Variants in PEX7 observed in about 807,000 individuals in gnomAD.
The protein encoded by PEX7 is PTS2 receptor.
In PEX7, 34 loss-of-function variants were observed where a neutral mutation model predicts 47.5. That is an observed-to-expected ratio of 0.72 (90% CI 0.54 to 0.95). The LOEUF (loss-of-function observed/expected upper bound fraction) is 0.95, where lower values mean the gene tolerates loss of function less well. Ranked by LOEUF, PEX7 falls within the 40% of genes least tolerant of loss-of-function variation. The pLI is 0.00. For missense variants in PEX7, 394 were observed against 400.3 expected, an observed-to-expected ratio of 0.98 and a Z score of 0.13; for synonymous variants, 141 against 148.8, an observed-to-expected ratio of 0.95 and a Z score of 0.38.
intron 3 of PEX7, among the ~76,000 whole-genome samples, chr6:136,833,095 T>G (rs886590869): frequency 6.6e-6 from 1 of 152,180 alleles, no homozygotes; most frequent in Admixed American, 6.6e-5. Flanking sequence ...TTCACACTGC[T>G]ATAAAGAAAT....
At chr6:136,870,104 C>T in intron 7 of PEX7, 101 bp downstream of exon 7, 1 of 737,288 alleles carries the variant, frequency 1.4e-6, no homozygotes, top group Admixed American at 3.0e-5. Context: ...ATTGGAGTTA[C>T]TAATTCTTTT....
At chr6:136,896,710 A>T (rs1368119318) in intron 8 of PEX7, among the ~76,000 whole-genome samples, 1 of 152,178 alleles carries the variant, frequency 6.6e-6, no homozygotes, top group African/African-American at 2.4e-5. Flanking sequence ...TTTTTGCCAT[A>T]TTAAATGCTT....
chr6:136,872,201 T>C lies in PEX7; in HGVS notation c.751T>C (p.Ser251Pro). The C allele has an allele frequency of 1.2e-6, 2 of 1,608,964 alleles. No homozygotes were observed. The highest frequency in any genetic ancestry group is 1.7e-6 in the Non-Finnish European group (2 of 1,179,148). Residue 251 changes from serine to proline, a missense_variant, in exon 8 of 10, where the codon TCA becomes CCA. Ser to Pro is a moderately conservative substitution (Grantham distance 74). Coordinates refer to ENST00000318471, the MANE Select transcript of PEX7 (RefSeq NM_000288.4). ...HTYAIRRVKFSPFHASVLASC... is the reference protein window; with the variant it reads ...HTYAIRRVKFPPFHASVLASC... ...TTTTTTCTTTTTTTTTTTGTAGTTTTCACCATTTCATGCTTCTGTGCTGGC... is the reference window on the plus strand; with the variant it reads ...TTTTTTCTTTTTTTTTTTGTAGTTTCCACCATTTCATGCTTCTGTGCTGGC...
intron 5 of PEX7, among the ~76,000 whole-genome samples, chr6:136,856,321 T>C (rs572118803): frequency 6.7e-6 from 1 of 149,824 alleles, no homozygotes; most frequent in East Asian, 1.9e-4. Flanking sequence ...AAAAAAATTC[T>C]GACCCAAAGT....
At chr6:136,893,299 C>T (rs190048111) in intron 8 of PEX7, among the ~76,000 whole-genome samples, 2 of 152,080 alleles carry the variant, frequency 1.3e-5, no homozygotes, top group African/African-American at 2.4e-5. Flanking sequence ...CCTTTCCCTG[C>T]GCCAGCCTCA....
chr6:136,911,437 ACT>A (rs1257237657), intron 9 of PEX7, among the ~76,000 whole-genome samples: 3 of 151,552 alleles, frequency 2.0e-5, no homozygotes, highest in Non-Finnish European at 4.4e-5. Context: ...ACAGAGTCTC[ACT>A]CTGTTGCCTA....
rs759387892 is a variant in PEX7 at position 136,846,191 on chromosome 6, T to C, written c.526+10T>C. On this transcript the variant is annotated intron_variant, in intron 5 of 9. Coordinates refer to ENST00000318471, the MANE Select transcript of PEX7 (RefSeq NM_000288.4). ...TTTGCTTCAGCCTCAGGTAAATTAT[T>C]CTGTATTTACCAAAAGCCTTACTTG... 1 of 1,548,126 alleles carries C rather than the reference T, an allele frequency of 6.5e-7. No individual in the cohort carries two copies. The highest frequency in any genetic ancestry group is 8.9e-7 in the Non-Finnish European group (1 of 1,120,544).
intron 9 of PEX7, among the ~76,000 whole-genome samples, chr6:136,909,084 G>T (rs1300057688): frequency 1.3e-5 from 2 of 152,138 alleles, no homozygotes; most frequent in African/African-American, 4.8e-5. Context: ...TTACAATCAA[G>T]ATCTGTGGAG....
In PEX7 at chr6:136,825,870, A is replaced by G. The variant is rs369155164; in HGVS notation, c.189-449A>G. 2.4e-4 allele frequency among the ~76,000 whole-genome samples: 36 copies of G among 152,198 alleles called. 3 individuals carry two copies. The highest frequency in any genetic ancestry group is 9.8e-4 in the Admixed American group (15 of 15,278). ...TAATTTTTAGGCCGTAGTCCCAGCT[A>G]CTTGGGAAGCTGAGGTGGGAGGATT... On this transcript the variant is annotated intron_variant, in intron 2 of 9. Transcript: ENST00000318471.
At chr6:136,901,278 A>T (rs1775749620) in intron 9 of PEX7, 1 of 152,278 alleles carries the variant, frequency 6.6e-6, no homozygotes, top group Non-Finnish European at 1.5e-5. Flanking sequence ...CACTTTTGTC[A>T]GTTATCTATT....
chr6:136,845,935 C>A (rs991936569), intron 4 of PEX7, 138 bp from the exon 5 acceptor site: 2 of 687,938 alleles, frequency 2.9e-6, no homozygotes, highest in Non-Finnish European at 5.1e-6. Context: ...CAAAACAGAT[C>A]TTTAAAAATC....
At chr6:136,897,324 A>G (rs895161717) in intron 8 of PEX7, among the ~76,000 whole-genome samples, 6 of 152,196 alleles carry the variant, frequency 3.9e-5, no homozygotes, top group African/African-American at 1.4e-4. Flanking sequence ...TGTGCCTGCC[A>G]TTTTTATAGT....
chr6:136,904,705 C>T (rs139818974), intron 9 of PEX7, among the ~76,000 whole-genome samples: 8,213 of 150,062 alleles, frequency 0.055, 370 homozygotes, highest in African/African-American at 0.12. Context: ...CTGCCATGAT[C>T]GTGAGGCCTC....
At chr6:136,846,411 G>T (rs1413481423) in intron 5 of PEX7, among the ~76,000 whole-genome samples, 1 of 151,996 alleles carries the variant, frequency 6.6e-6, no homozygotes, top group African/African-American at 2.4e-5. Flanking sequence ...TTACATGTGT[G>T]TGCATGTGTG....
At chr6:136,836,171 G>A (rs1323763725) in intron 3 of PEX7, among the ~76,000 whole-genome samples, 1 of 152,130 alleles carries the variant, frequency 6.6e-6, no homozygotes, top group East Asian at 1.9e-4. Flanking sequence ...TTTGCTGCAA[G>A]CTAATATGAG....
chr6:136,863,482 A>T (rs931494271), intron 5 of PEX7, among the ~76,000 whole-genome samples: 1 of 152,244 alleles, frequency 6.6e-6, no homozygotes, highest in Non-Finnish European at 1.5e-5. Flanking sequence ...ATCCATAAAA[A>T]TATAATAAAA....
At chr6:136,842,179 G>A (rs1774512827) in intron 3 of PEX7, among the ~76,000 whole-genome samples, 1 of 151,710 alleles carries the variant, frequency 6.6e-6, no homozygotes, top group Admixed American at 6.6e-5. Context: ...ATGTTTAGTA[G>A]AGACGGGGTT....
intron 5 of PEX7, among the ~76,000 whole-genome samples, chr6:136,864,453 AT>A: frequency 6.6e-6 from 1 of 152,314 alleles, no homozygotes; most frequent in East Asian, 1.9e-4. Flanking sequence ...GATCAGCGAA[AT>A]AACTTGATTA....
At chr6:136,846,517 C>T (rs762961079) in intron 5 of PEX7, among the ~76,000 whole-genome samples, 11 of 151,954 alleles carry the variant, frequency 7.2e-5, no homozygotes, top group South Asian at 6.2e-4. Context: ...TGACAGGCCC[C>T]GGTGTGTGAT....
Sources: gnomAD v4.1 joint callset for allele counts (sites outside exome capture counted in the v4.1 genomes callset) on GRCh38, gnomAD v4.1.1 for gene constraint, MANE v1.5 for transcripts, NCBI Gene and HGNC (gene_info 2026-07-23, HGNC 2026-07-21) for gene names.